Variants in WDR7 observed in about 807,000 individuals in gnomAD.
WDR7 encodes the protein WD repeat-containing protein 7.
A neutral mutation model predicts 169.4 loss-of-function variants in WDR7; 46 were observed. The observed-to-expected ratio is 0.27, with a 90% CI of 0.21 to 0.35. The LOEUF is 0.35. Ranked by LOEUF, WDR7 falls within the 10% of genes least tolerant of loss-of-function variation. The probability of loss-of-function intolerance (pLI) is 1.00; values close to 1 mark genes in which losing one functional copy is unlikely to be tolerated. For missense variants in WDR7, 1,534 were observed against 1,859.3 expected, an observed-to-expected ratio of 0.83 and a Z score of 3.22; for synonymous variants, 612 against 666.8, an observed-to-expected ratio of 0.92 and a Z score of 1.27.
intron 25 of WDR7, among the ~76,000 whole-genome samples, chr18:56,949,329 A>T (rs990888948): frequency 6.6e-6 from 1 of 152,208 alleles, no homozygotes; most frequent in Non-Finnish European, 1.5e-5. Flanking sequence ...CATTTTAAAA[A>T]TATTGATTTA....
chr18:56,871,426 T>G (rs1335204739), intron 20 of WDR7, among the ~76,000 whole-genome samples: 2 of 152,294 alleles, frequency 1.3e-5, no homozygotes, highest in East Asian at 3.9e-4. Flanking sequence ...GTTTTTCTAG[T>G]CATTTATGTA....
intron 20 of WDR7, among the ~76,000 whole-genome samples, chr18:56,859,423 A>G (rs966012037): frequency 1.3e-5 from 2 of 152,052 alleles, no homozygotes; most frequent in African/African-American, 4.8e-5. Flanking sequence ...CAGCTTATCA[A>G]CCCGTGCCTC....
intron 26 of WDR7, among the ~76,000 whole-genome samples, chr18:56,992,642 G>A (rs1459495093): frequency 6.6e-6 from 1 of 152,174 alleles, no homozygotes; most frequent in African/African-American, 2.4e-5. Context: ...ACTATTCCAG[G>A]TAAAAGATAG....
intron 16 of WDR7, among the ~76,000 whole-genome samples, chr18:56,761,191 G>A (rs1221119186): frequency 6.6e-6 from 1 of 152,148 alleles, no homozygotes; most frequent in East Asian, 1.9e-4. Flanking sequence ...TCTATTTTTA[G>A]TAGAGATGGG....
chr18:56,968,196 T>C (rs1232273424), intron 26 of WDR7, among the ~76,000 whole-genome samples: 6 of 152,206 alleles, frequency 3.9e-5, no homozygotes, highest in Non-Finnish European at 4.4e-5. Context: ...AACTTTACTA[T>C]TGAAAAGTTT....
intron 12 of WDR7, among the ~76,000 whole-genome samples, chr18:56,697,371 C>A (rs982620494): frequency 6.6e-6 from 1 of 152,162 alleles, no homozygotes; most frequent in African/African-American, 2.4e-5. Flanking sequence ...ATTTTATCAA[C>A]CATGTTCTGC....
chr18:56,844,593 T>C (rs1271771582), intron 20 of WDR7, among the ~76,000 whole-genome samples: 11 of 152,242 alleles, frequency 7.2e-5, no homozygotes, highest in Non-Finnish European at 5.9e-5. Context: ...CTTTAAATTT[T>C]AAATGCTTAT....
intron 20 of WDR7, among the ~76,000 whole-genome samples, chr18:56,867,910 G>A (rs1209084237): frequency 6.6e-6 from 1 of 152,074 alleles, no homozygotes; most frequent in African/African-American, 2.4e-5. Flanking sequence ...ATCCTATAAA[G>A]TAGTTACAGG....
At chr18:56,984,140 A>G (rs2145838114) in intron 26 of WDR7, among the ~76,000 whole-genome samples, 1 of 152,288 alleles carries the variant, frequency 6.6e-6, no homozygotes, top group East Asian at 1.9e-4. Context: ...ATTTTCTTCC[A>G]GCACCTTTTC....
Position 56,938,594 on chromosome 18 carries a change from C to T in WDR7, c.3893C>T (p.Thr1298Ile). The T allele has an allele frequency of 6.2e-7, 1 of 1,613,870 alleles. No homozygotes were observed. Among genetic ancestry groups the T allele is most frequent in the Non-Finnish European group, 8.5e-7 (1 of 1,179,906 alleles). The stretch of plus-strand genomic sequence containing the variant: ...TCACAGCAGAATATGCACACAACAA[C>T]TCTTGCACGAGCTAAAGGGGAAATT... ...TQSQQNMHTT[T>I]LARAKGEILR... The change falls in exon 24 of 28, where the codon ACT (threonine) becomes ATT (isoleucine). Residue 1298 changes from threonine (T) to isoleucine (I), a missense_variant. Coordinates refer to ENST00000254442, the MANE Select transcript of WDR7 (RefSeq NM_015285.3).
At chr18:56,934,813 A>T (rs1250912052) in intron 22 of WDR7, among the ~76,000 whole-genome samples, 1 of 152,330 alleles carries the variant, frequency 6.6e-6, no homozygotes, top group East Asian at 1.9e-4. Context: ...GAGTAGGATA[A>T]GTGTTCATAT....
intron 26 of WDR7, among the ~76,000 whole-genome samples, chr18:56,986,963 C>CA (rs1171592665): frequency 6.6e-6 from 1 of 152,050 alleles, no homozygotes. Context: ...GGGAAAACCA[C>CA]AGGGTGTGTT....
At chr18:56,834,130 C>G (rs1429248099) in intron 20 of WDR7, among the ~76,000 whole-genome samples, 2 of 152,202 alleles carry the variant, frequency 1.3e-5, no homozygotes, top group Admixed American at 6.5e-5. Flanking sequence ...CCGTGTGGCC[C>G]TATCCATAGG....
rs552990055 is a variant in WDR7, at chr18:56,943,144, T to A, written c.4064+3751T>A. 6.8e-4 allele frequency among the ~76,000 whole-genome samples: 103 copies of A among 152,244 alleles called. 1 individual carries two copies. The highest frequency in any genetic ancestry group is 2.4e-3 in the African/African-American group (98 of 41,546). On this transcript the variant is annotated intron_variant, in intron 25 of 27. Coordinates refer to ENST00000254442, the MANE Select transcript of WDR7 (RefSeq NM_015285.3). ...TATGAACAACAACAAAGGTAACATA[T>A]CAGTAGGAGTTAAAATTATTTTATT...
chr18:56,693,573 G>GTTTTTTTTTTTTTT (rs1254201598), intron 9 of WDR7, among the ~76,000 whole-genome samples: 4 of 54,426 alleles, frequency 7.3e-5, no homozygotes, highest in African/African-American at 1.2e-4. Flanking sequence ...TTTTTTTTTT[G>GTTTTTTTTTTTTTT]TTTTTTTTTT....
At chr18:56,855,243 T>TC (rs397824004) in intron 20 of WDR7, among the ~76,000 whole-genome samples, 156 of 151,544 alleles carry the variant, frequency 1.0e-3, no homozygotes, top group African/African-American at 2.6e-3. Flanking sequence ...TGTTTTTTTT[T>TC]CCCCCCATTG....
intron 25 of WDR7, among the ~76,000 whole-genome samples, chr18:56,954,201 T>G (rs1599188768): frequency 6.6e-6 from 1 of 152,342 alleles, no homozygotes; most frequent in African/African-American, 2.4e-5. Flanking sequence ...TTTAATACTG[T>G]TTTTGCTGGA....
intron 26 of WDR7, among the ~76,000 whole-genome samples, chr18:57,010,567 T>C (rs771124929): frequency 6.6e-6 from 1 of 152,186 alleles, no homozygotes; most frequent in South Asian, 2.1e-4. Flanking sequence ...GTGGTGATCA[T>C]ATAATATATT....
intron 21 of WDR7, among the ~76,000 whole-genome samples, chr18:56,914,363 A>G (rs1240737668): frequency 2.0e-5 from 3 of 152,318 alleles, no homozygotes; most frequent in Non-Finnish European, 4.4e-5. Flanking sequence ...TTTGGTTTGT[A>G]TGTCCCAACT....
Sources: allele counts gnomAD v4.1 joint callset (sites outside exome capture counted in the v4.1 genomes callset), GRCh38; gene constraint gnomAD v4.1.1; transcripts MANE v1.5; gene names NCBI Gene and HGNC (gene_info 2026-07-23, HGNC 2026-07-21).